RALGPS1: variants seen among roughly 807,000 people sequenced by gnomAD.
RALGPS1 encodes the protein Ral GEF with PH domain and SH3 binding motif 1.
In RALGPS1, 19 loss-of-function variants were observed where a neutral mutation model predicts 78.8. That is an observed-to-expected ratio of 0.24 (90% CI 0.17 to 0.35). The LOEUF is 0.35. RALGPS1 is among the 10% of genes least tolerant of loss of function. The pLI, the probability that RALGPS1 is intolerant of heterozygous loss-of-function variation, is 1.00. For synonymous variants in RALGPS1, 228 were observed against 256.3 expected (o/e 0.89, Z 1.06); for missense variants, 454 against 688.3 (o/e 0.66, Z 3.81).
At chr9:127,035,009 T>G (rs1427325725) in intron 5 of RALGPS1, among the ~76,000 whole-genome samples, 1 of 152,176 alleles carries the variant, frequency 6.6e-6, no homozygotes, top group Non-Finnish European at 1.5e-5. Context: ...CCCCAGCCTG[T>G]GTGAGGTCAC....
intron 14 of RALGPS1, among the ~76,000 whole-genome samples, chr9:127,200,657 C>A (rs2061585099): frequency 6.6e-6 from 1 of 152,256 alleles, no homozygotes. Context: ...CCCCGGCCAT[C>A]TGGGTTGCTC....
intron 11 of RALGPS1, among the ~76,000 whole-genome samples, chr9:127,188,028 GAT>G (rs1216390881): frequency 7.3e-6 from 1 of 136,932 alleles, no homozygotes; most frequent in Non-Finnish European, 1.6e-5. Flanking sequence ...AGATGGTTCT[GAT>G]ATATTCTTTG....
chr9:127,064,987 A>C (rs2049557617), intron 7 of RALGPS1, among the ~76,000 whole-genome samples: 1 of 151,924 alleles, frequency 6.6e-6, no homozygotes, highest in Non-Finnish European at 1.5e-5. Context: ...TCTATTGCCC[A>C]GGCTGGAGTG....
intron 1 of RALGPS1, among the ~76,000 whole-genome samples, chr9:126,933,216 G>A (rs1177983395): frequency 2.0e-5 from 3 of 152,134 alleles, no homozygotes; most frequent in African/African-American, 7.2e-5. Context: ...AAGAGGGACG[G>A]GGCATCATCA....
intron 10 of RALGPS1, among the ~76,000 whole-genome samples, chr9:127,174,320 AAAG>A (rs1344158886): frequency 6.6e-6 from 1 of 152,062 alleles, no homozygotes; most frequent in African/African-American, 2.4e-5. Flanking sequence ...AAAGAAAAAA[AAAG>A]AAAAGAAAGA....
At chr9:127,152,364 G>A (rs1036619808) in intron 8 of RALGPS1, among the ~76,000 whole-genome samples, 3 of 152,184 alleles carry the variant, frequency 2.0e-5, no homozygotes, top group Non-Finnish European at 4.4e-5. Context: ...TTTATTAATA[G>A]GCAAGGCATT....
intron 6 of RALGPS1, among the ~76,000 whole-genome samples, chr9:127,050,512 A>G (rs1439606021): frequency 1.3e-5 from 2 of 152,186 alleles, no homozygotes; most frequent in African/African-American, 2.4e-5. Context: ...GTTAGCATCA[A>G]TGCTCAATGC....
chr9:127,199,215 C>A, intron 14 of RALGPS1, 149 bp downstream of exon 14: 3 of 781,054 alleles, frequency 3.8e-6, no homozygotes, highest in South Asian at 1.5e-5. Flanking sequence ...TGGGGCAGGG[C>A]TGAGTAGGAG....
chr9:127,188,667 C>T (rs771148734), intron 11 of RALGPS1, among the ~76,000 whole-genome samples: 1 of 151,752 alleles, frequency 6.6e-6, no homozygotes, highest in Non-Finnish European at 1.5e-5. Context: ...TGACTTCAAC[C>T]AAAAGAGGAT....
intron 8 of RALGPS1, among the ~76,000 whole-genome samples, chr9:127,099,341 G>C (rs2053489625): frequency 6.6e-6 from 1 of 152,204 alleles, no homozygotes; most frequent in African/African-American, 2.4e-5. Flanking sequence ...CATGAGAACT[G>C]TATGCTGTTT....
intron 8 of RALGPS1, among the ~76,000 whole-genome samples, chr9:127,154,571 G>T (rs1347752329): frequency 1.3e-5 from 2 of 152,188 alleles, no homozygotes; most frequent in Non-Finnish European, 2.9e-5. Context: ...AATCAGTTTC[G>T]ATCTAGCTAA....
intron 2 of RALGPS1, among the ~76,000 whole-genome samples, chr9:126,965,085 G>A (rs193212284): frequency 7.0e-4 from 107 of 152,278 alleles, no homozygotes; most frequent in African/African-American, 2.4e-3. Context: ...GTTGAGATTC[G>A]TGAAATCAGC....
At chr9:127,151,574 TAAAG>T (rs1337900325) in intron 8 of RALGPS1, among the ~76,000 whole-genome samples, 1 of 152,164 alleles carries the variant, frequency 6.6e-6, no homozygotes, top group Non-Finnish European at 1.5e-5. Flanking sequence ...GAAAGGGAAA[TAAAG>T]AGGGTCAGGG....
intron 8 of RALGPS1, among the ~76,000 whole-genome samples, chr9:127,145,649 C>T (rs781307899): frequency 5.3e-5 from 8 of 152,188 alleles, no homozygotes; most frequent in Non-Finnish European, 7.4e-5. Flanking sequence ...TCCGACTCTG[C>T]CTTTACTCTG....
At chr9:127,145,662 C>T (rs62578767) in intron 8 of RALGPS1, among the ~76,000 whole-genome samples, 1 of 152,190 alleles carries the variant, frequency 6.6e-6, no homozygotes, top group Non-Finnish European at 1.5e-5. Context: ...TTACTCTGAG[C>T]AGCTCTTAGA....
intron 4 of RALGPS1, among the ~76,000 whole-genome samples, chr9:127,021,893 G>A (rs2045492561): frequency 6.6e-6 from 1 of 152,076 alleles, no homozygotes; most frequent in Non-Finnish European, 1.5e-5. Flanking sequence ...TGCGTTGACA[G>A]CTGGTTCTAA....
At chr9:126,969,304 A>G (rs891824082) in intron 3 of RALGPS1, among the ~76,000 whole-genome samples, 6 of 152,262 alleles carry the variant, frequency 3.9e-5, no homozygotes, top group East Asian at 3.9e-4. Flanking sequence ...CACAGGTGCA[A>G]TTACACCACA....
At chr9:126,937,553 A>G (rs1049959575) in intron 1 of RALGPS1, among the ~76,000 whole-genome samples, 1 of 152,184 alleles carries the variant, frequency 6.6e-6, no homozygotes, top group African/African-American at 2.4e-5. Context: ...TAGGGTTGGT[A>G]TAGTGGGATC....
intron 11 of RALGPS1, among the ~76,000 whole-genome samples, chr9:127,188,832 T>TAAAAAAAAAAAAA (rs202172226): frequency 1.1e-5 from 1 of 87,472 alleles, no homozygotes; most frequent in African/African-American, 4.3e-5. Flanking sequence ...CCATCTCTAC[T>TAAAAAAAAAAAAA]AAAAAAAAAA....
Sources: gnomAD v4.1 joint callset for allele counts (sites outside exome capture counted in the v4.1 genomes callset) on GRCh38, gnomAD v4.1.1 for gene constraint, MANE v1.5 for transcripts, NCBI Gene and HGNC (gene_info 2026-07-23, HGNC 2026-07-21) for gene names.